The following WHRN variants were observed in gnomAD, a reference collection of about 807,000 sequenced individuals.
WHRN encodes the protein CASK-interacting protein CIP98.
A neutral mutation model predicts 68.3 loss-of-function variants in WHRN; 41 were observed. The ratio of observed to expected loss-of-function variants is 0.60; its 90% CI spans 0.47 to 0.78. WHRN has a LOEUF of 0.78. Among genes scored for constraint, WHRN ranks in the 30% least tolerant of loss-of-function variants. The pLI is 0.00. For missense variants in WHRN, 1,243 were observed against 1,244.7 expected (o/e 1.00, Z 0.02); for synonymous variants, 560 against 561.3 (o/e 1.00, Z 0.03).
At chr9:114,447,072 C>T (rs150829094) in intron 3 of WHRN, among the ~76,000 whole-genome samples, 14 of 152,244 alleles carry the variant, frequency 9.2e-5, no homozygotes, top group South Asian at 4.2e-4. Context: ...CCAACCAGAC[C>T]GCACTCTTCA....
At chr9:114,475,232 C>T (rs1458196958) in intron 2 of WHRN, among the ~76,000 whole-genome samples, 1 of 152,202 alleles carries the variant, frequency 6.6e-6, no homozygotes, top group Non-Finnish European at 1.5e-5. Flanking sequence ...ACCATCCCTG[C>T]CACACTGATG....
chr9:114,404,871 G>A (rs1353072465), intron 9 of WHRN, among the ~76,000 whole-genome samples: 2 of 151,870 alleles, frequency 1.3e-5, no homozygotes, highest in African/African-American at 4.8e-5. Flanking sequence ...TCCAGGGTGT[G>A]GGTTCTTAAC....
chr9:114,485,336 T>C (rs1842394066), intron 1 of WHRN, among the ~76,000 whole-genome samples: 1 of 152,246 alleles, frequency 6.6e-6, no homozygotes, highest in African/African-American at 2.4e-5. Flanking sequence ...GCTCTGTAGA[T>C]GACTTGCTGT....
intron 7 of WHRN, among the ~76,000 whole-genome samples, chr9:114,422,865 G>A (rs1158031810): frequency 1.3e-5 from 2 of 152,058 alleles, no homozygotes. Context: ...AACTGGGCTT[G>A]GGCTCCAGAG....
chr9:114,411,504 G>C (rs1175455696), intron 7 of WHRN, among the ~76,000 whole-genome samples: 1 of 152,182 alleles, frequency 6.6e-6, no homozygotes, highest in African/African-American at 2.4e-5. Flanking sequence ...TACATGGTAG[G>C]ACCAATGCCG....
At chr9:114,472,408 G>A (rs570672566) in intron 2 of WHRN, among the ~76,000 whole-genome samples, 3 of 152,340 alleles carry the variant, frequency 2.0e-5, no homozygotes, top group Non-Finnish European at 4.4e-5. Flanking sequence ...GCCACCTGGA[G>A]CACTCTGCCC....
At chr9:114,425,053 G>A in intron 4 of WHRN, 29 bp from the exon 5 acceptor site, 2 of 1,613,652 alleles carry the variant, frequency 1.2e-6, no homozygotes, top group Non-Finnish European at 8.5e-7. Flanking sequence ...ATCTCCAGTT[G>A]TGCATTTGAG....
chr9:114,478,377 C>G (rs1841825148), intron 2 of WHRN, 176 bp downstream of exon 2: 1 of 743,552 alleles, frequency 1.3e-6, no homozygotes, highest in Non-Finnish European at 2.4e-6. Flanking sequence ...ACATACACTA[C>G]ACAGGTCAAA....
At chr9:114,418,980 G>A (rs374916874) in intron 7 of WHRN, among the ~76,000 whole-genome samples, 28 of 152,228 alleles carry the variant, frequency 1.8e-4, no homozygotes, top group African/African-American at 5.8e-4. Context: ...AATGTACATA[G>A]CACACAGTAA....
At chr9:114,453,453 TATATA>T (rs1400544376) in intron 3 of WHRN, among the ~76,000 whole-genome samples, 1 of 152,222 alleles carries the variant, frequency 6.6e-6, no homozygotes, top group African/African-American at 2.4e-5. Flanking sequence ...CATCAGTTAC[TATATA>T]ATATTTGTTT....
Position 114,407,955 on chromosome 9 carries a change from C to T in WHRN, c.1690G>A (p.Val564Met). Residue 564 changes from valine (V) to methionine (M), a missense_variant, in exon 8 of 12, where the codon GTG becomes ATG. By Grantham distance (21) the Val-to-Met change is conservative. Transcript: ENST00000362057. Reference sequence around the variant, plus strand: ...GCCAGCCAGGGCCTTACCACGGACACATCTGGGAGGGCGTTGATATTGCCC... The same window carrying T: ...GCCAGCCAGGGCCTTACCACGGACATATCTGGGAGGGCGTTGATATTGCCC... ...VQGNINALPDVSVDDVRSTSQ... is the reference protein window; with the variant it reads ...VQGNINALPDMSVDDVRSTSQ... 6.2e-7 allele frequency: 1 copy of T among 1,601,886 alleles called. No homozygotes were observed.
In WHRN at chr9:114,466,372, G is replaced by A. The variant is rs772431008; in HGVS notation, c.858C>T (p.Asp286=). The stretch of plus-strand genomic sequence containing the variant: ...GGATCGTGAGGCCCAGGGACCGGCC[G>A]TCCCCCAGCACCAGGTTCACCTGTC... ...DEKKVNLVLG[D]GRSLGLTIRG... The change falls in exon 3 of 12, where the codon GAC becomes GAT. Residue 286 remains aspartate (D), a synonymous_variant. Coordinates refer to ENST00000362057, the MANE Select transcript of WHRN (RefSeq NM_015404.4). 22 of 1,614,030 alleles carry A rather than the reference G, an allele frequency of 1.4e-5. No homozygotes were observed. The highest frequency in any genetic ancestry group is 1.1e-4 in the East Asian group (5 of 44,874).
rs547094217 is a variant in WHRN at position 114,441,080 on chromosome 9, C to T, written c.964-14667G>A. ...CTGGTAAACAGATGATGTAAACTTA[C>T]GGAATCAATAAATTCAGTAAGGCAC... On this transcript the variant is annotated intron_variant, in intron 3 of 11. Coordinates refer to ENST00000362057, the MANE Select transcript of WHRN (RefSeq NM_015404.4). Among the ~76,000 whole-genome samples, 135 of 152,138 alleles carry T rather than the reference C, an allele frequency of 8.9e-4. 1 individual carries two copies. Among genetic ancestry groups the T allele is most frequent in the South Asian group, 1.9e-3 (9 of 4,814 alleles).
At chr9:114,436,897 A>G (rs1837907474) in intron 3 of WHRN, among the ~76,000 whole-genome samples, 1 of 151,878 alleles carries the variant, frequency 6.6e-6, no homozygotes, top group Non-Finnish European at 1.5e-5. Context: ...TTTAAATATA[A>G]TGAAAAATAA....
chr9:114,469,201 C>T (rs147917030), intron 2 of WHRN, among the ~76,000 whole-genome samples: 83 of 152,322 alleles, frequency 5.4e-4, no homozygotes, highest in Middle Eastern at 3.4e-3. Flanking sequence ...CCAGCAGGTG[C>T]GACCTGGAAA....
chr9:114,502,993 A>T, intron 1 of WHRN: 1 of 317,552 alleles, frequency 3.1e-6, no homozygotes, highest in Non-Finnish European at 4.6e-6. Flanking sequence ...TCCAGAAGCT[A>T]CAAAGAAGTT....
chr9:114,478,783 G>A lies in WHRN; in HGVS notation c.619-12C>T, dbSNP rs770718837. ...GAGCCCTTCAGAGCCTAGGGAGAGAGGGATACAAAGGTTAGAGGAAGGGAG... is the reference window on the plus strand; with the variant it reads ...GAGCCCTTCAGAGCCTAGGGAGAGAAGGATACAAAGGTTAGAGGAAGGGAG... On this transcript the variant is annotated splice_polypyrimidine_tract_variant and intron_variant, in intron 1 of 11. Coordinates refer to ENST00000362057, the MANE Select transcript of WHRN (RefSeq NM_015404.4). The A allele has an allele frequency of 6.8e-6, 11 of 1,606,458 alleles. No homozygotes were observed. In the South Asian group the frequency reaches 8.9e-5, roughly 13 times the overall value.
chr9:114,415,437 C>G (rs1356868913), intron 7 of WHRN, among the ~76,000 whole-genome samples: 1 of 152,202 alleles, frequency 6.6e-6, no homozygotes, highest in Non-Finnish European at 1.5e-5. Flanking sequence ...TTCCATTCTT[C>G]TGAGTGGCCA....
At chr9:114,414,287 C>T (rs1241592020) in intron 7 of WHRN, among the ~76,000 whole-genome samples, 3 of 152,168 alleles carry the variant, frequency 2.0e-5, no homozygotes, top group Admixed American at 1.3e-4. Flanking sequence ...CTGCTCAACC[C>T]TGTTATTGCT....
Sources: gnomAD v4.1 joint callset for allele counts (sites outside exome capture counted in the v4.1 genomes callset) on GRCh38, gnomAD v4.1.1 for gene constraint, MANE v1.5 for transcripts, NCBI Gene and HGNC (gene_info 2026-07-23, HGNC 2026-07-21) for gene names.